The following MGMT variants were observed in gnomAD, a reference collection of about 807,000 sequenced individuals.
MGMT encodes the protein O-6-methylguanine-DNA methyltransferase, also known as methylated-DNA--protein-cysteine methyltransferase.
A neutral mutation model predicts 15.9 loss-of-function variants in MGMT; 14 were observed. That is an observed-to-expected ratio of 0.88 (90% CI 0.58 to 1.37). The LOEUF (loss-of-function observed/expected upper bound fraction) is 1.37. Among genes scored for constraint, MGMT ranks in the 40% most tolerant of loss-of-function variants. MGMT has a pLI of 0.00. For synonymous variants in MGMT, 130 were observed against 118.2 expected, an observed-to-expected ratio of 1.10 and a Z score of -0.65; for missense variants, 282 against 268.1, an observed-to-expected ratio of 1.05 and a Z score of -0.36.
chr10:129,501,357 G>A (rs1177179609), intron 1 of MGMT, among the ~76,000 whole-genome samples: 1 of 152,144 alleles, frequency 6.6e-6, no homozygotes, highest in Non-Finnish European at 1.5e-5. Context: ...CCATGATGAG[G>A]GACAGCAGTC....
intron 1 of MGMT, among the ~76,000 whole-genome samples, chr10:129,472,999 G>A (rs566053447): frequency 6.6e-6 from 1 of 152,272 alleles, no homozygotes; most frequent in South Asian, 2.1e-4. Flanking sequence ...GTGCCACATC[G>A]GCCTAGAGTG....
At chr10:129,669,641 T>G (rs1409212943) in intron 2 of MGMT, among the ~76,000 whole-genome samples, 2 of 152,328 alleles carry the variant, frequency 1.3e-5, no homozygotes, top group South Asian at 2.1e-4. Flanking sequence ...TTAAAAAGAC[T>G]TTGAAATATG....
chr10:129,726,232 T>A (rs1056050332), intron 3 of MGMT, among the ~76,000 whole-genome samples: 4 of 152,132 alleles, frequency 2.6e-5, no homozygotes, highest in African/African-American at 2.4e-5. Context: ...TTGGCACAGA[T>A]GAGACTTGAA....
rs12248464 is a variant in MGMT, at chr10:129,738,847, A to G, written c.275-20355A>G. Among the ~76,000 whole-genome samples, 189 of 152,298 alleles carry G rather than the reference A, an allele frequency of 1.2e-3. 1 individual carries two copies. Among genetic ancestry groups the G allele is most frequent in the African/African-American group, 4.4e-3 (181 of 41,568 alleles). On this transcript the variant is annotated intron_variant, in intron 3 of 4. Coordinates refer to ENST00000651593, the MANE Select transcript of MGMT (RefSeq NM_002412.5). ...AATACCAAAGGCTGGCAGAGACACA[A>G]CAAAAAAAGAGAATTTTAGGCCAAT...
At position 129,526,719 on chromosome 10, in the gene MGMT, A is replaced by G. The variant is rs80314157; in HGVS notation, c.-12-9522A>G. On this transcript the variant is annotated intron_variant, in intron 1 of 4. Transcript: ENST00000651593. ...CAGCAGTGGAAATGGTTAAGAGGGAAAGACACAGAGCTGCAAAGATGGTCC... is the reference window on the plus strand; with the variant it reads ...CAGCAGTGGAAATGGTTAAGAGGGAGAGACACAGAGCTGCAAAGATGGTCC... Among the ~76,000 whole-genome samples, 529 of 152,314 alleles carry G rather than the reference A, an allele frequency of 3.5e-3. 6 individuals are homozygous for G. The highest frequency in any genetic ancestry group is 0.012 in the African/African-American group (512 of 41,564).
rs187729222 is a variant in MGMT, at chr10:129,633,216, A to G, written c.126-74679A>G. Among the ~76,000 whole-genome samples, 11 of 152,320 alleles carry G rather than the reference A, an allele frequency of 7.2e-5. No homozygotes were observed. In the East Asian group the frequency reaches 2.1e-3, roughly 29 times the overall value. On this transcript the variant is annotated intron_variant, in intron 2 of 4. Transcript: ENST00000651593. ...ATATCTAAATTATAGAAAAAACGTT[A>G]TACCTTGCAGCTTCTCTTATCATGG... is the stretch of plus-strand genomic sequence containing the variant.
At chr10:129,612,595 G>A (rs1182058499) in intron 2 of MGMT, among the ~76,000 whole-genome samples, 2 of 152,220 alleles carry the variant, frequency 1.3e-5, no homozygotes. Context: ...TTTCCCCACA[G>A]CCTTGCTGGC....
intron 2 of MGMT, among the ~76,000 whole-genome samples, chr10:129,651,096 G>A (rs1242576339): frequency 6.6e-6 from 1 of 152,180 alleles, no homozygotes. Flanking sequence ...GCTCCCACAT[G>A]CTGTCTGATT....
In MGMT at chr10:129,550,214, A is replaced by G. The variant is rs988729222; in HGVS notation, c.125+13837A>G. The stretch of plus-strand genomic sequence containing the variant: ...GTGCAGCAACTTTAGGGGGTTCACA[A>G]TGTTCCGCAGCCATCACCGCCGCCC... On this transcript the variant is annotated intron_variant, in intron 2 of 4. Coordinates refer to ENST00000651593, the MANE Select transcript of MGMT (RefSeq NM_002412.5). 1.1e-4 allele frequency among the ~76,000 whole-genome samples: 17 copies of G among 151,950 alleles called. 1 individual carries two copies. The highest frequency in any genetic ancestry group is 6.5e-4 in the Admixed American group (10 of 15,268).
intron 3 of MGMT, among the ~76,000 whole-genome samples, chr10:129,747,686 A>G (rs777347281): frequency 1.3e-5 from 2 of 152,172 alleles, no homozygotes; most frequent in South Asian, 2.1e-4. Context: ...AATATTAACT[A>G]AAGTCCTATG....
At chr10:129,613,937 A>G (rs1044507771) in intron 2 of MGMT, among the ~76,000 whole-genome samples, 1 of 152,218 alleles carries the variant, frequency 6.6e-6, no homozygotes, top group African/African-American at 2.4e-5. Flanking sequence ...TTTGGTTTTT[A>G]AAATTATGGT....
At position 129,613,091 on chromosome 10, in the gene MGMT, A is replaced by G. The variant is rs138193161; in HGVS notation, c.125+76714A>G. Among the ~76,000 whole-genome samples the G allele has an allele frequency of 2.9e-3, 449 of 152,332 alleles. 2 individuals are homozygous for G. Among genetic ancestry groups the G allele is most frequent in the African/African-American group, 0.01 (426 of 41,576 alleles). On this transcript the variant is annotated intron_variant, in intron 2 of 4. Transcript: ENST00000651593. ...CTGTTCACTCTGGGATAGGGAAGCC[A>G]TGCTCCAAGCTGTATTGGAATATCA... is the stretch of plus-strand genomic sequence containing the variant.
chr10:129,468,489 A>T (rs1845195785), intron 1 of MGMT, among the ~76,000 whole-genome samples: 1 of 151,928 alleles, frequency 6.6e-6, no homozygotes, highest in African/African-American at 2.4e-5. Context: ...TTGGAATTTG[A>T]ATAGTGGAGT....
At chr10:129,697,677 T>G (rs1848047694) in intron 2 of MGMT, among the ~76,000 whole-genome samples, 3 of 152,172 alleles carry the variant, frequency 2.0e-5, no homozygotes, top group African/African-American at 7.2e-5. Context: ...ACCGTGTTCA[T>G]GTACCCCTGC....
At chr10:129,651,174 G>A (rs1191133893) in intron 2 of MGMT, among the ~76,000 whole-genome samples, 5 of 152,204 alleles carry the variant, frequency 3.3e-5, no homozygotes, top group African/African-American at 1.2e-4. Context: ...CCCTTGGCCT[G>A]TGTCCAGTGG....
intron 1 of MGMT, among the ~76,000 whole-genome samples, chr10:129,502,881 C>T (rs1413566767): frequency 6.6e-6 from 1 of 152,118 alleles, no homozygotes; most frequent in Non-Finnish European, 1.5e-5. Context: ...TAAAAGCAGC[C>T]GGACCCAAAC....
At chr10:129,472,822 C>T (rs1458839600) in intron 1 of MGMT, among the ~76,000 whole-genome samples, 2 of 152,154 alleles carry the variant, frequency 1.3e-5, no homozygotes, top group Non-Finnish European at 2.9e-5. Flanking sequence ...ACCTCTGGTG[C>T]GTCTGAGGTC....
chr10:129,740,049 G>A (rs1848612719), intron 3 of MGMT, among the ~76,000 whole-genome samples: 1 of 152,238 alleles, frequency 6.6e-6, no homozygotes. Context: ...AGTCATTAAA[G>A]GGAAATCTAA....
chr10:129,716,047 TC>T (rs1353131723), intron 3 of MGMT, among the ~76,000 whole-genome samples: 1 of 152,228 alleles, frequency 6.6e-6, no homozygotes, highest in Non-Finnish European at 1.5e-5. Context: ...AGAGCAGACT[TC>T]CTGGAGGCTC....
Sources: gnomAD v4.1 joint callset for allele counts (sites outside exome capture counted in the v4.1 genomes callset) on GRCh38, gnomAD v4.1.1 for gene constraint, MANE v1.5 for transcripts, NCBI Gene and HGNC (gene_info 2026-07-23, HGNC 2026-07-21) for gene names.